TBC1D4: variants seen among roughly 807,000 people sequenced by gnomAD.
TBC1D4 encodes TBC1 domain family member 4.
Under a neutral mutation model 142.5 loss-of-function variants are expected in TBC1D4, and 121 were observed. The observed-to-expected ratio is 0.85, with a 90% CI of 0.73 to 0.99. The LOEUF (loss-of-function observed/expected upper bound fraction) is 0.99, where lower values mean the gene tolerates loss of function less well. Among genes scored for constraint, TBC1D4 ranks in the 50% least tolerant of loss-of-function variants. The probability of loss-of-function intolerance (pLI) is 0.00; values close to 1 mark genes in which losing one functional copy is unlikely to be tolerated. For missense variants in TBC1D4, 1,475 were observed against 1,606.6 expected (o/e 0.92, Z 1.40); for synonymous variants, 630 against 628.2 (o/e 1.00, Z -0.04).
intron 12 of TBC1D4, among the ~76,000 whole-genome samples, chr13:75,315,364 A>G (rs1280712906): frequency 6.7e-6 from 1 of 148,998 alleles, no homozygotes; most frequent in Non-Finnish European, 1.5e-5. Flanking sequence ...ATATATATAT[A>G]TATATACACA....
At chr13:75,410,622 A>G (rs1885599744) in intron 1 of TBC1D4, among the ~76,000 whole-genome samples, 2 of 152,200 alleles carry the variant, frequency 1.3e-5, no homozygotes, top group Non-Finnish European at 2.9e-5. Flanking sequence ...CATTAAAAGT[A>G]AAAAATAACT....
rs568430624 is a variant in TBC1D4 at position 75,334,532 on chromosome 13, T to C, written c.1731+2389A>G. Among the ~76,000 whole-genome samples the C allele has an allele frequency of 2.6e-5, 4 of 152,258 alleles. No homozygotes were observed. The South Asian group carries it at 6.2e-4, about 24-fold the overall frequency. On this transcript the variant is annotated intron_variant, in intron 8 of 20. Transcript: ENST00000377636. ...TTTATATTGATACCTCCAAGTTTTA[T>C]TTTTGTAATTTTTTTATTTCCATAG...
chr13:75,320,720 G>C (rs564967847), intron 11 of TBC1D4, among the ~76,000 whole-genome samples: 6 of 151,862 alleles, frequency 4.0e-5, no homozygotes, highest in Non-Finnish European at 8.8e-5. Flanking sequence ...TCAAAATAAT[G>C]TGCTTTTAAA....
chr13:75,369,768 C>T (rs1050286943), intron 1 of TBC1D4, among the ~76,000 whole-genome samples: 4 of 152,050 alleles, frequency 2.6e-5, no homozygotes, highest in Non-Finnish European at 5.9e-5. Flanking sequence ...CACAGTGCTG[C>T]GACAATGAAA....
chr13:75,372,760 TAA>T (rs1451028433), intron 1 of TBC1D4, among the ~76,000 whole-genome samples: 1 of 152,142 alleles, frequency 6.6e-6, no homozygotes, highest in Non-Finnish European at 1.5e-5. Context: ...CTTAGGCCCA[TAA>T]AAAGTAAATT....
Position 75,481,888 on chromosome 13 carries a change from G to C in TBC1D4, c.-121C>G. 1.5e-6 allele frequency: 2 copies of C among 1,340,400 alleles called. No individual in the cohort carries two copies. Among genetic ancestry groups the C allele is most frequent in the Non-Finnish European group, 1.9e-6 (2 of 1,044,284 alleles). The allele number at this position is 1,340,400 out of a possible 1,614,324, so 83.0% of individuals were successfully genotyped here. ...GCACCGGGCTCCCGCGCCTGCCTGG[G>C]AGCGGCGCGACCCCGAACTCCGCGC... On this transcript the variant is annotated 5_prime_UTR_variant, in exon 1 of 21. Coordinates refer to ENST00000377636, the MANE Select transcript of TBC1D4 (RefSeq NM_014832.5).
intron 1 of TBC1D4, among the ~76,000 whole-genome samples, chr13:75,391,342 A>G (rs1383713169): frequency 1.3e-5 from 2 of 152,006 alleles, no homozygotes; most frequent in African/African-American, 4.8e-5. Context: ...TGCATTTGCT[A>G]TCTGTGATTT....
At position 75,362,283 on chromosome 13, in the gene TBC1D4, C is replaced by T. The variant is rs774778693; in HGVS notation, c.823G>A (p.Asp275Asn). The T allele has an allele frequency of 1.6e-5, 26 of 1,613,680 alleles. No individual in the cohort carries two copies. Among genetic ancestry groups the T allele is most frequent in the Middle Eastern group, 3.3e-4 (2 of 6,084 alleles). ...DCLPEEADGTDTHLGLPAGAS... is the reference protein window; with the variant it reads ...DCLPEEADGTNTHLGLPAGAS... The stretch of plus-strand genomic sequence containing the variant: ...CCGGCAGGTAAGCCAAGGTGGGTGT[C>T]GGTGCCGTCAGCCTCCTCCGGCAGG... Residue 275 changes from aspartate to asparagine, a missense_variant, in exon 2 of 21, where the codon GAC becomes AAC. Asp to Asn is a conservative substitution (Grantham distance 23, BLOSUM62 1). This residue lies in a region of TBC1D4 where 1,227 missense variants were observed against 1,267.7 expected (regional missense o/e 0.97). Coordinates refer to ENST00000377636, the MANE Select transcript of TBC1D4 (RefSeq NM_014832.5). The surrounding 1 kb of genome is among the most constrained non-coding windows in gnomAD (Gnocchi z 4.2).
rs79525549 is a variant in TBC1D4 at position 75,425,947 on chromosome 13, A to G, written c.498+55323T>C. Among the ~76,000 whole-genome samples, 663 of 152,238 alleles carry G rather than the reference A, an allele frequency of 4.4e-3. 9 individuals are homozygous for G. Among genetic ancestry groups the G allele is most frequent in the African/African-American group, 0.016 (645 of 41,548 alleles). ...ATATTATATACTCGAAGTCTTTGAGAGAGTAGATTTTAAAGGTTCTCACCA... is the reference window on the plus strand; with the variant it reads ...ATATTATATACTCGAAGTCTTTGAGGGAGTAGATTTTAAAGGTTCTCACCA... On this transcript the variant is annotated intron_variant, in intron 1 of 20. Coordinates refer to ENST00000377636, the MANE Select transcript of TBC1D4 (RefSeq NM_014832.5).
In TBC1D4 at chr13:75,411,550, G is replaced by A. The variant is rs112420994; in HGVS notation, c.499-48943C>T. ...CACAGAGCCTCTTTTTTTTGAGACA[G>A]AGTCTCGCTCGGTCATCCAGGTTGG... On this transcript the variant is annotated intron_variant, in intron 1 of 20. Coordinates refer to ENST00000377636, the MANE Select transcript of TBC1D4 (RefSeq NM_014832.5). Among the ~76,000 whole-genome samples the A allele has an allele frequency of 6.2e-3, 939 of 152,268 alleles. 10 individuals are homozygous for A. The highest frequency in any genetic ancestry group is 0.021 in the African/African-American group (888 of 41,558).
At chr13:75,454,115 A>C (rs57800439) in intron 1 of TBC1D4, among the ~76,000 whole-genome samples, 1 of 151,592 alleles carries the variant, frequency 6.6e-6, no homozygotes, top group Non-Finnish European at 1.5e-5. Context: ...TCCACCCTCC[A>C]GGCTCAAACA....
chr13:75,409,889 T>A (rs1885538689), intron 1 of TBC1D4, among the ~76,000 whole-genome samples: 1 of 152,214 alleles, frequency 6.6e-6, no homozygotes, highest in Admixed American at 6.5e-5. Context: ...CCCTGCTATA[T>A]CATCTCTGGA....
intron 7 of TBC1D4, among the ~76,000 whole-genome samples, chr13:75,338,131 A>G (rs1349266779): frequency 1.3e-5 from 2 of 152,190 alleles, no homozygotes; most frequent in Non-Finnish European, 2.9e-5. Flanking sequence ...AACACATCTA[A>G]AAGACAGGAA....
At chr13:75,360,979 A>G (rs1267788833) in intron 2 of TBC1D4, among the ~76,000 whole-genome samples, 1 of 152,214 alleles carries the variant, frequency 6.6e-6, no homozygotes, top group African/African-American at 2.4e-5. Flanking sequence ...ATAGGTTTAA[A>G]AAAGACAGTC....
At chr13:75,318,199 G>A (rs1044411857) in intron 12 of TBC1D4, among the ~76,000 whole-genome samples, 4 of 152,164 alleles carry the variant, frequency 2.6e-5, no homozygotes, top group African/African-American at 9.7e-5. Flanking sequence ...TTCCTGCCAG[G>A]GCAACACAGA....
At chr13:75,349,661 T>G (rs1286380277) in intron 4 of TBC1D4, among the ~76,000 whole-genome samples, 1 of 152,246 alleles carries the variant, frequency 6.6e-6, no homozygotes, top group Non-Finnish European at 1.5e-5. Context: ...GGAAGTTTTG[T>G]CTGCCACTTA....
chr13:75,345,721 C>T (rs958298709), intron 5 of TBC1D4, among the ~76,000 whole-genome samples: 9 of 150,432 alleles, frequency 6.0e-5, no homozygotes, highest in African/African-American at 2.2e-4. Flanking sequence ...GGTGAAACCC[C>T]GTCTCTAAGA....
At chr13:75,315,603 T>A (rs1382205120) in intron 12 of TBC1D4, among the ~76,000 whole-genome samples, 1 of 152,062 alleles carries the variant, frequency 6.6e-6, no homozygotes, top group East Asian at 1.9e-4. Flanking sequence ...ATTTGCTAAA[T>A]GCCCAGTTCA....
chr13:75,407,953 T>A (rs1885420946), intron 1 of TBC1D4, among the ~76,000 whole-genome samples: 1 of 152,158 alleles, frequency 6.6e-6, no homozygotes, highest in African/African-American at 2.4e-5. Flanking sequence ...CTACCATATT[T>A]TTAACAGCTT....
Sources: gnomAD v4.1 joint callset for allele counts (sites outside exome capture counted in the v4.1 genomes callset) on GRCh38, gnomAD v4.1.1 for gene constraint, gnomAD v4.1.1 regional missense constraint, Gnocchi (gnomAD v3.1) non-coding constraint, MANE v1.5 for transcripts, NCBI Gene and HGNC (gene_info 2026-07-23, HGNC 2026-07-21) for gene names.